Variants in IRAG1 observed in about 807,000 individuals in gnomAD.
IRAG1 encodes the protein inositol 1,4,5-triphosphate receptor associated 1.
A neutral mutation model predicts 106.2 loss-of-function variants in IRAG1; 62 were observed. The ratio of observed to expected loss-of-function variants is 0.58; its 90% CI spans 0.48 to 0.72. The LOEUF (loss-of-function observed/expected upper bound fraction) is 0.72, where lower values mean the gene tolerates loss of function less well. Ranked by LOEUF, IRAG1 falls within the 30% of genes least tolerant of loss-of-function variation. IRAG1 has a pLI of 0.00. For missense variants in IRAG1, 1,064 were observed against 1,140.7 expected, an observed-to-expected ratio of 0.93 and a Z score of 0.97; for synonymous variants, 462 against 443.9, an observed-to-expected ratio of 1.04 and a Z score of -0.51.
At chr11:10,669,783 G>C (rs1332308257) in intron 1 of IRAG1, among the ~76,000 whole-genome samples, 1 of 152,098 alleles carries the variant, frequency 6.6e-6, no homozygotes, top group Non-Finnish European at 1.5e-5. Context: ...AAAATACTGA[G>C]CCTGCAGGAT....
rs1372147606 is a variant in IRAG1, at chr11:10,657,942, C to A, written c.68-5760G>T. Among the ~76,000 whole-genome samples, 1 of 152,216 alleles carries A rather than the reference C, an allele frequency of 6.6e-6. No individual in the cohort carries two copies. The highest frequency in any genetic ancestry group is 1.5e-5 in the Non-Finnish European group (1 of 68,042). On this transcript the variant is annotated intron_variant, in intron 1 of 20. Transcript: ENST00000423302. This position sits in a 1 kb window ranked among gnomAD's most constrained non-coding sequence, Gnocchi z 4.1. Reference sequence around the variant, plus strand: ...GAAAAGTCCCCAGAGCACCCATGCCCCGAGCCCGGCTGCATGTGGCAGCTT... The same window carrying A: ...GAAAAGTCCCCAGAGCACCCATGCCACGAGCCCGGCTGCATGTGGCAGCTT...
chr11:10,633,636 C>T (rs1160832325), intron 3 of IRAG1, among the ~76,000 whole-genome samples: 1 of 152,150 alleles, frequency 6.6e-6, no homozygotes, highest in Non-Finnish European at 1.5e-5. Flanking sequence ...TTCTTAAAGG[C>T]TAGCCCTTTC....
chr11:10,586,865 G>A (rs950139109), intron 18 of IRAG1, among the ~76,000 whole-genome samples: 4 of 152,184 alleles, frequency 2.6e-5, no homozygotes, highest in African/African-American at 9.7e-5. Flanking sequence ...CATACAGTAG[G>A]TGCCTTTAAG....
chr11:10,678,407 G>A (rs2135166948), intron 1 of IRAG1, among the ~76,000 whole-genome samples: 1 of 152,242 alleles, frequency 6.6e-6, no homozygotes, highest in Admixed American at 6.6e-5. Context: ...TTGCTGTTTA[G>A]AGCTTTCCTT....
At chr11:10,644,243 T>C in intron 2 of IRAG1, among the ~76,000 whole-genome samples, 1 of 152,198 alleles carries the variant, frequency 6.6e-6, no homozygotes, top group East Asian at 1.9e-4. Context: ...GACAATTACA[T>C]AAACTCTCAG....
chr11:10,595,789 C>G (rs930012286), intron 15 of IRAG1: 2 of 152,140 alleles, frequency 1.3e-5, no homozygotes, highest in African/African-American at 4.8e-5. Context: ...ATTATTTCGT[C>G]ACCCAGGTAT....
rs773982170 is a variant in IRAG1 at position 10,652,067 on chromosome 11, C to G, written c.183G>C (p.Glu61Asp). The G allele has an allele frequency of 1.9e-6, 3 of 1,596,380 alleles. No individual in the cohort carries two copies. The highest frequency in any genetic ancestry group is 4.5e-5 in the East Asian group (2 of 43,976). The change falls in exon 2 of 21, where the codon GAG becomes GAC. Residue 61 changes from glutamate (E) to aspartate (D), a missense_variant. Coordinates refer to ENST00000423302, the MANE Select transcript of IRAG1 (RefSeq NM_130385.4). ...AAMPHIPEDE[E>D]PPGEPQAAQS... is the part of the protein sequence containing the mutation. Reference sequence around the variant, plus strand: ...GGGCTGCCTGTGGCTCTCCGGGGGGCTCCTCGTCCTCGGGAATGTGGGGCA... The same window carrying G: ...GGGCTGCCTGTGGCTCTCCGGGGGGGTCCTCGTCCTCGGGAATGTGGGGCA...
chr11:10,577,988 G>T (rs1306128996), intron 20 of IRAG1, among the ~76,000 whole-genome samples: 1 of 152,208 alleles, frequency 6.6e-6, no homozygotes, highest in Non-Finnish European at 1.5e-5. Context: ...TTTAGACAGA[G>T]TTGGATGCTA....
In IRAG1 at chr11:10,634,624, T is replaced by C. The variant is rs1327179160; in HGVS notation, c.226-553A>G. On this transcript the variant is annotated intron_variant, in intron 2 of 20. Coordinates refer to ENST00000423302, the MANE Select transcript of IRAG1 (RefSeq NM_130385.4). ...AAGTTTGACCTTTTAAGATTCTACA[T>C]ATAAGTGAGATCATGCAGTATTGTC... is the stretch of plus-strand genomic sequence containing the variant. 3.3e-5 allele frequency among the ~76,000 whole-genome samples: 5 copies of C among 152,240 alleles called. No individual in the cohort carries two copies. The East Asian group carries it at 7.7e-4, about 23-fold the overall frequency.
intron 1 of IRAG1, among the ~76,000 whole-genome samples, chr11:10,668,280 T>C (rs117595272): frequency 0.027 from 4,157 of 152,378 alleles, 80 homozygotes; most frequent in Middle Eastern, 0.068. Context: ...TGACTTTCAA[T>C]GTCCTCACAA....
chr11:10,637,290 C>T lies in IRAG1; in HGVS notation c.226-3219G>A, dbSNP rs80343778. Among the ~76,000 whole-genome samples the T allele has an allele frequency of 4.1e-3, 631 of 152,282 alleles. 1 individual carries two copies. Among genetic ancestry groups the T allele is most frequent in the African/African-American group, 0.015 (606 of 41,556 alleles). ...AAGAGGGAGTGACAAGAAGTCAGCACGTGCTTGTGGCTGAAACCAAGACTG... is the reference window on the plus strand; with the variant it reads ...AAGAGGGAGTGACAAGAAGTCAGCATGTGCTTGTGGCTGAAACCAAGACTG... On this transcript the variant is annotated intron_variant, in intron 2 of 20. Transcript: ENST00000423302.
intron 2 of IRAG1, among the ~76,000 whole-genome samples, chr11:10,642,887 G>A (rs1032788255): frequency 2.0e-5 from 3 of 151,500 alleles, no homozygotes; most frequent in East Asian, 2.0e-4. Flanking sequence ...TCTCTGGGCC[G>A]GGCACGGTGG....
chr11:10,680,524 AAAGG>A (rs368939954), intron 1 of IRAG1, among the ~76,000 whole-genome samples: 185 of 139,142 alleles, frequency 1.3e-3, no homozygotes, highest in Middle Eastern at 7.1e-3. Flanking sequence ...AGAAAGGAAG[AAAGG>A]AAGGAAGGAA....
intron 14 of IRAG1, among the ~76,000 whole-genome samples, chr11:10,602,493 C>T (rs1479957910): frequency 1.3e-5 from 2 of 152,166 alleles, no homozygotes; most frequent in Non-Finnish European, 2.9e-5. Context: ...GCTCCTGCTA[C>T]AACATGGGGG....
chr11:10,664,993 G>A (rs185848472), intron 1 of IRAG1, among the ~76,000 whole-genome samples: 61 of 152,046 alleles, frequency 4.0e-4, no homozygotes, highest in African/African-American at 1.5e-3. Context: ...TTTTTCTTAA[G>A]CTGGCTTGTA....
At chr11:10,688,999 G>A (rs1267542137) in intron 1 of IRAG1, among the ~76,000 whole-genome samples, 1 of 152,138 alleles carries the variant, frequency 6.6e-6, no homozygotes, top group Admixed American at 6.6e-5. Context: ...AGCGACTGCA[G>A]GTAAAGCATT....
chr11:10,603,599 C>T (rs7115735), intron 13 of IRAG1, among the ~76,000 whole-genome samples: 75,745 of 151,798 alleles, frequency 0.5, 19,638 homozygotes, highest in East Asian at 0.7. Context: ...GGTTTGGTAC[C>T]GGTTTGCGGC....
intron 1 of IRAG1, among the ~76,000 whole-genome samples, chr11:10,655,914 G>A (rs12787691): frequency 0.081 from 12,273 of 152,204 alleles, 624 homozygotes; most frequent in Admixed American, 0.14. Flanking sequence ...TTGACAAGAT[G>A]GAACCCCAGG....
rs72444319 is a variant in IRAG1, at chr11:10,671,730, C to CACAACA, written c.68-19554_68-19549dup. Reference sequence around the variant, plus strand: ...CTGTCTTAAAAACAACAACAACAAACACAACAACAACAACAACAACAAAAA... The same window carrying CACAACA: ...CTGTCTTAAAAACAACAACAACAAACACAACAACAACAACAACAACAACAACAAAAA... On this transcript the variant is annotated intron_variant, in intron 1 of 20. Coordinates refer to ENST00000423302, the MANE Select transcript of IRAG1 (RefSeq NM_130385.4). Among the ~76,000 whole-genome samples the CACAACA allele has an allele frequency of 1.2e-4, 18 of 151,126 alleles. No individual in the cohort carries two copies. The East Asian group carries it at 1.5e-3, about 13-fold the overall frequency.
Sources: gnomAD v4.1 joint callset for allele counts (sites outside exome capture counted in the v4.1 genomes callset) on GRCh38, gnomAD v4.1.1 for gene constraint, Gnocchi (gnomAD v3.1) non-coding constraint, MANE v1.5 for transcripts, NCBI Gene and HGNC (gene_info 2026-07-23, HGNC 2026-07-21) for gene names.